DAW1: variants seen among roughly 807,000 people sequenced by gnomAD.
DAW1 encodes dynein assembly factor with WD repeats 1, also known as dynein assembly factor with WD repeat domains 1.
In DAW1, 47 loss-of-function variants were observed where a neutral mutation model predicts 56.5. The ratio of observed to expected loss-of-function variants is 0.83; its 90% CI spans 0.66 to 1.06. The LOEUF (loss-of-function observed/expected upper bound fraction) is 1.06. Among genes scored for constraint, DAW1 ranks in the 50% least tolerant of loss-of-function variants. The pLI, the probability that DAW1 is intolerant of heterozygous loss-of-function variation, is 0.00. For missense variants in DAW1, 505 were observed against 499.3 expected, an observed-to-expected ratio of 1.01 and a Z score of -0.11; for synonymous variants, 190 against 179.0, an observed-to-expected ratio of 1.06 and a Z score of -0.49.
At chr2:227,887,757 T>G (rs1183460259) in intron 2 of DAW1, 1 of 152,250 alleles carries the variant, frequency 6.6e-6, no homozygotes, top group Non-Finnish European at 1.5e-5. Flanking sequence ...TAGCCACTCA[T>G]AAACATGACC....
intron 10 of DAW1, among the ~76,000 whole-genome samples, chr2:227,911,937 G>A (rs1333576873): frequency 6.6e-6 from 1 of 152,046 alleles, no homozygotes; most frequent in Non-Finnish European, 1.5e-5. Flanking sequence ...CATTACATAT[G>A]TGCCATCTCT....
intron 5 of DAW1, 76 bp downstream of exon 5, chr2:227,893,993 A>G (rs1691345758): frequency 2.1e-6 from 3 of 1,428,578 alleles, no homozygotes; most frequent in Non-Finnish European, 2.8e-6. Flanking sequence ...GAAAGGGAAG[A>G]AGACAAGAGG....
At chr2:227,876,285 G>T (rs1690880629) in intron 1 of DAW1, among the ~76,000 whole-genome samples, 2 of 152,256 alleles carry the variant, frequency 1.3e-5, no homozygotes, top group Admixed American at 1.3e-4. Context: ...CTCCCAAAGT[G>T]CTGGGATGAC....
intron 7 of DAW1, among the ~76,000 whole-genome samples, chr2:227,903,939 C>G (rs1451624731): frequency 6.6e-6 from 1 of 151,884 alleles, no homozygotes; most frequent in Non-Finnish European, 1.5e-5. Context: ...ATCTGAGTAT[C>G]TAGCATTATT....
chr2:227,893,906 C>T lies in DAW1; in HGVS notation c.429C>T (p.Asn143=). Residue 143 remains asparagine (N), a synonymous_variant, in exon 5 of 13, where the codon AAC becomes AAT. Coordinates refer to ENST00000309931, the MANE Select transcript of DAW1 (RefSeq NM_178821.3). ...ATGTGGTTTATGCCATAGCATTCAA[C>T]AATCCTTACGGGTGTGTTCATCCCT... ...HRNVVYAIAF[N]NPYGDKIATG... The T allele has an allele frequency of 1.2e-6, 2 of 1,608,438 alleles. No individual in the cohort carries two copies. The highest frequency in any genetic ancestry group is 1.7e-6 in the Non-Finnish European group (2 of 1,177,712).
intron 10 of DAW1, among the ~76,000 whole-genome samples, chr2:227,915,947 G>A (rs1460077440): frequency 6.6e-6 from 1 of 152,016 alleles, no homozygotes; most frequent in Non-Finnish European, 1.5e-5. Flanking sequence ...TACAATGTTT[G>A]TGCCATCACC....
intron 5 of DAW1, among the ~76,000 whole-genome samples, chr2:227,897,760 T>A (rs1249853705): frequency 6.6e-6 from 1 of 152,220 alleles, no homozygotes; most frequent in Admixed American, 6.5e-5. Context: ...ATTAACCATA[T>A]TTTTAATGGG....
chr2:227,921,288 A>G, intron 11 of DAW1, 111 bp from the exon 12 acceptor site: 1 of 1,154,596 alleles, frequency 8.7e-7, no homozygotes, highest in African/African-American at 1.7e-5. Flanking sequence ...TAGGAAGGTG[A>G]CATGTGCTGT....
At chr2:227,884,124 G>T (rs1691070456) in intron 1 of DAW1, among the ~76,000 whole-genome samples, 2 of 152,080 alleles carry the variant, frequency 1.3e-5, no homozygotes. Flanking sequence ...TCTATTCTCT[G>T]TCATCTCTAC....
intron 1 of DAW1, among the ~76,000 whole-genome samples, chr2:227,879,051 A>G (rs4973424): frequency 0.48 from 73,480 of 151,894 alleles, 17,987 homozygotes; most frequent in Admixed American, 0.58. Flanking sequence ...CTCCCAAAGT[A>G]CTGGAATTAC....
rs59160595 is a variant in DAW1 at position 227,886,788 on chromosome 2, T to TAAAC, written c.113+1387_113+1390dup. Among the ~76,000 whole-genome samples the TAAAC allele has an allele frequency of 9.0e-3, 1,370 of 151,792 alleles. 16 individuals carry two copies. The highest frequency in any genetic ancestry group is 0.013 in the East Asian group (67 of 5,180). ...ACAAAATAGCAAGACTCTGTCTTTG[T>TAAAC]AAACAAACAAACAAACAAACAAACA... On this transcript the variant is annotated intron_variant, in intron 2 of 12. Coordinates refer to ENST00000309931, the MANE Select transcript of DAW1 (RefSeq NM_178821.3).
chr2:227,884,987 G>A (rs1452222044), intron 1 of DAW1, among the ~76,000 whole-genome samples: 1 of 152,100 alleles, frequency 6.6e-6, no homozygotes, highest in Non-Finnish European at 1.5e-5. Flanking sequence ...AGGGAATAGG[G>A]CCCTCTTGTC....
chr2:227,880,545 A>G (rs565354653), intron 1 of DAW1, among the ~76,000 whole-genome samples: 1 of 152,342 alleles, frequency 6.6e-6, no homozygotes, highest in African/African-American at 2.4e-5. Context: ...AATTATGCCA[A>G]ACTATCCTCT....
chr2:227,911,300 G>A (rs1432186904), intron 10 of DAW1, among the ~76,000 whole-genome samples: 5 of 144,072 alleles, frequency 3.5e-5, no homozygotes, highest in Admixed American at 6.9e-5. Context: ...ATATATACAC[G>A]TGTATGTATA....
intron 10 of DAW1, among the ~76,000 whole-genome samples, chr2:227,909,568 A>C (rs960301161): frequency 6.6e-6 from 1 of 152,056 alleles, no homozygotes; most frequent in Non-Finnish European, 1.5e-5. Context: ...GAATCAGGAA[A>C]GTCAGTGGTA....
chr2:227,900,531 G>C (rs956870149), intron 6 of DAW1, among the ~76,000 whole-genome samples: 14 of 152,306 alleles, frequency 9.2e-5, no homozygotes, highest in African/African-American at 3.4e-4. Context: ...GGGGATTTCA[G>C]TGTGGACACA....
At chr2:227,882,901 C>T (rs918839723) in intron 1 of DAW1, among the ~76,000 whole-genome samples, 3 of 152,192 alleles carry the variant, frequency 2.0e-5, no homozygotes, top group Non-Finnish European at 2.9e-5. Flanking sequence ...TTTCCTGAGG[C>T]CTCCCCAGCC....
chr2:227,895,239 C>G (rs1415553033), intron 5 of DAW1, among the ~76,000 whole-genome samples: 1 of 152,166 alleles, frequency 6.6e-6, no homozygotes, highest in African/African-American at 2.4e-5. Context: ...CTCCACTTAG[C>G]TGACACACAG....
At chr2:227,920,439 G>A (rs1692077199) in intron 11 of DAW1, among the ~76,000 whole-genome samples, 1 of 152,102 alleles carries the variant, frequency 6.6e-6, no homozygotes, top group Admixed American at 6.5e-5. Flanking sequence ...AGAGGGGGAT[G>A]TAAGTGTGAC....
Sources: gnomAD v4.1 joint callset for allele counts (sites outside exome capture counted in the v4.1 genomes callset) on GRCh38, gnomAD v4.1.1 for gene constraint, MANE v1.5 for transcripts, NCBI Gene and HGNC (gene_info 2026-07-23, HGNC 2026-07-21) for gene names.